The following MAGI3 variants were observed in gnomAD, a reference collection of about 807,000 sequenced individuals.
The protein encoded by MAGI3 is membrane-associated guanylate kinase, WW and PDZ domain-containing protein 3.
Under a neutral mutation model 121.8 loss-of-function variants are expected in MAGI3, and 43 were observed. The ratio of observed to expected loss-of-function variants is 0.35; its 90% CI spans 0.28 to 0.46. The LOEUF is 0.46. Ranked by LOEUF, MAGI3 falls within the 20% of genes least tolerant of loss-of-function variation. The probability of loss-of-function intolerance (pLI) is 1.00; values close to 1 mark genes in which losing one functional copy is unlikely to be tolerated. For missense variants in MAGI3, 1,547 were observed against 1,797.3 expected, an observed-to-expected ratio of 0.86 and a Z score of 2.52; for synonymous variants, 553 against 639.3, an observed-to-expected ratio of 0.86 and a Z score of 2.04.
chr1:113,495,390 G>A (rs536632841), intron 1 of MAGI3, among the ~76,000 whole-genome samples: 6 of 147,506 alleles, frequency 4.1e-5, no homozygotes, highest in African/African-American at 7.6e-5. Flanking sequence ...GTAGGTTTTC[G>A]GGGAATGGGT....
At chr1:113,547,760 A>C (rs1659602679) in intron 1 of MAGI3, among the ~76,000 whole-genome samples, 1 of 152,196 alleles carries the variant, frequency 6.6e-6, no homozygotes, top group Admixed American at 6.5e-5. Flanking sequence ...AAAATGAAAT[A>C]ATATTATTTT....
intron 20 of MAGI3, chr1:113,682,502 A>G: frequency 7.6e-7 from 1 of 1,314,044 alleles, no homozygotes. Flanking sequence ...TCCTTTATTA[A>G]TTAGTGATTT....
intron 6 of MAGI3, among the ~76,000 whole-genome samples, chr1:113,595,664 C>A (rs75296543): frequency 0.1 from 15,800 of 152,110 alleles, 1,046 homozygotes; most frequent in East Asian, 0.19. Context: ...AGTTAGATAG[C>A]TTGAAACAAA....
rs563147717 is a variant in MAGI3, at chr1:113,639,091, G to T, written c.1361-2820G>T. On this transcript the variant is annotated intron_variant, in intron 9 of 20. Coordinates refer to ENST00000307546, the MANE Select transcript of MAGI3 (RefSeq NM_001142782.2). ...CGTTTTTTAAGCCCATCAGAAAAGC[G>T]CAGTATTCGGGTGGGAGTGACCCAA... 2.7e-4 allele frequency among the ~76,000 whole-genome samples: 41 copies of T among 152,204 alleles called. 1 individual carries two copies. Among genetic ancestry groups the T allele is most frequent in the African/African-American group, 9.6e-4 (40 of 41,564 alleles).
chr1:113,623,894 C>T (rs927876149), intron 9 of MAGI3, among the ~76,000 whole-genome samples: 8 of 95,238 alleles, frequency 8.4e-5, no homozygotes, highest in Admixed American at 7.7e-4. Flanking sequence ...TCCTTCTACT[C>T]TCTAGCTCCA....
intron 6 of MAGI3, among the ~76,000 whole-genome samples, chr1:113,596,453 C>CA (rs1172372410): frequency 1.3e-5 from 2 of 151,926 alleles, no homozygotes; most frequent in Non-Finnish European, 2.9e-5. Flanking sequence ...AAACAGGCCA[C>CA]AAAAAATATG....
chr1:113,583,410 G>C (rs1431976033), intron 3 of MAGI3, among the ~76,000 whole-genome samples: 1 of 151,926 alleles, frequency 6.6e-6, no homozygotes. Flanking sequence ...TCTTTTCAGT[G>C]ATTATGGATG....
intron 16 of MAGI3, among the ~76,000 whole-genome samples, chr1:113,664,618 T>G (rs1443802297): frequency 1.3e-5 from 2 of 152,204 alleles, no homozygotes; most frequent in African/African-American, 4.8e-5. Flanking sequence ...AGGGTATACA[T>G]GTATTTGATT....
chr1:113,672,733 C>T lies in MAGI3; in HGVS notation c.3037C>T (p.His1013Tyr). The stretch of plus-strand genomic sequence containing the variant: ...AGTAATTTCAGTTGTAGGCAGTCGG[C>T]ACAATCAGGTAAACAAACATTTCCC... ...TAVISVVGSR[H>Y]NQNLGCYPVE... The change falls in exon 18 of 21, where the codon CAC (histidine) becomes TAC (tyrosine). Residue 1013 changes from histidine to tyrosine, a missense_variant. Physicochemically the swap from His to Tyr is moderately conservative, Grantham distance 83. Transcript: ENST00000307546. 1 of 1,610,110 alleles carries T rather than the reference C, an allele frequency of 6.2e-7. No homozygotes were observed. The highest frequency in any genetic ancestry group is 8.5e-7 in the Non-Finnish European group (1 of 1,178,538).
chr1:113,472,688 G>C (rs1655600390), intron 1 of MAGI3, among the ~76,000 whole-genome samples: 2 of 150,866 alleles, frequency 1.3e-5, no homozygotes, highest in Admixed American at 6.6e-5. Context: ...GTATGTGTGT[G>C]TGTGTATTTA....
At chr1:113,428,975 A>C (rs1348587980) in intron 1 of MAGI3, among the ~76,000 whole-genome samples, 1 of 152,228 alleles carries the variant, frequency 6.6e-6, no homozygotes, top group Non-Finnish European at 1.5e-5. Context: ...TTAGGTGCTC[A>C]GCACTCACAT....
chr1:113,602,244 A>T (rs79487171), intron 6 of MAGI3, among the ~76,000 whole-genome samples: 1 of 152,092 alleles, frequency 6.6e-6, no homozygotes, highest in Non-Finnish European at 1.5e-5. Context: ...TATAAAAAAA[A>T]CTCAAAATCA....
At chr1:113,461,430 C>T (rs182735097) in intron 1 of MAGI3, among the ~76,000 whole-genome samples, 3 of 150,268 alleles carry the variant, frequency 2.0e-5, no homozygotes, top group Admixed American at 1.3e-4. Flanking sequence ...AATCAGGCCA[C>T]GCATCTGATC....
Position 113,549,135 on chromosome 1 carries a change from T to C in MAGI3, c.317-380T>C, listed in dbSNP as rs189959823. On this transcript the variant is annotated intron_variant, in intron 1 of 20. Coordinates refer to ENST00000307546, the MANE Select transcript of MAGI3 (RefSeq NM_001142782.2). ...ATATCTGCAATATATATGCATCAGT[T>C]TGATGAGTTTAGAGCTTGGCAGAGG... Among the ~76,000 whole-genome samples, 297 of 152,306 alleles carry C rather than the reference T, an allele frequency of 2.0e-3. 4 individuals are homozygous for C. Among genetic ancestry groups the C allele is most frequent in the East Asian group, 5.8e-3 (30 of 5,186 alleles).
At position 113,495,277 on chromosome 1, in the gene MAGI3, T is replaced by C. The variant is rs1228685769; in HGVS notation, c.317-54238T>C. On this transcript the variant is annotated intron_variant, in intron 1 of 20. Transcript: ENST00000307546. ...TAACACTTAAAACAATAAGCACATA[T>C]ACTGTTATATAATTCAGGAAGATTT... 2.6e-5 allele frequency among the ~76,000 whole-genome samples: 4 copies of C among 152,078 alleles called. No homozygotes were observed. The East Asian group carries it at 7.7e-4, about 29-fold the overall frequency.
Position 113,683,709 on chromosome 1 carries a change from G to A in MAGI3, c.4141G>A (p.Glu1381Lys), listed in dbSNP as rs1648364319. 6.3e-7 allele frequency: 1 copy of A among 1,597,468 alleles called. No individual in the cohort carries two copies. Residue 1381 changes from glutamate (E) to lysine (K), a missense_variant, in exon 21 of 21, where the codon GAA (glutamate) becomes AAA (lysine). By Grantham distance (56) the Glu-to-Lys change is moderately conservative. Coordinates refer to ENST00000307546, the MANE Select transcript of MAGI3 (RefSeq NM_001142782.2). ...TNKTTSKEVS[E>K]NEKGKKVTTG... ...TAAGACTACAAGTAAAGAAGTATCT[G>A]AAAATGAAAAAGGAAAGAAAGTAAC...
chr1:113,562,620 T>C (rs1214028357), intron 2 of MAGI3, among the ~76,000 whole-genome samples: 1 of 152,130 alleles, frequency 6.6e-6, no homozygotes, highest in Non-Finnish European at 1.5e-5. Context: ...TCACTTATAA[T>C]TGAGAGCTGA....
chr1:113,633,447 G>C (rs1416300991), intron 9 of MAGI3, among the ~76,000 whole-genome samples: 1 of 150,700 alleles, frequency 6.6e-6, no homozygotes. Context: ...ATTTTTAGTA[G>C]AGACGGGGTT....
In MAGI3 at chr1:113,588,540, T is replaced by C. The variant is rs117163897; in HGVS notation, c.764-1944T>C. On this transcript the variant is annotated intron_variant, in intron 4 of 20. Transcript: ENST00000307546. ...TGGGGTTTTGATTCAAAGAGTAACA[T>C]GGTACAACAGTTTTTAACAGGCTTA... 3.4e-4 allele frequency among the ~76,000 whole-genome samples: 52 copies of C among 152,292 alleles called. No homozygotes were observed. The East Asian group carries it at 8.3e-3, about 24-fold the overall frequency.
Sources: gnomAD v4.1 joint callset for allele counts (sites outside exome capture counted in the v4.1 genomes callset) on GRCh38, gnomAD v4.1.1 for gene constraint, MANE v1.5 for transcripts, NCBI Gene and HGNC (gene_info 2026-07-23, HGNC 2026-07-21) for gene names.